Variants in ATP9B observed in about 807,000 individuals in gnomAD.
ATP9B encodes probable phospholipid-transporting ATPase IIB.
Under a neutral mutation model 146.1 loss-of-function variants are expected in ATP9B, and 110 were observed. The ratio of observed to expected loss-of-function variants is 0.75; its 90% confidence interval spans 0.65 to 0.88. ATP9B has a LOEUF of 0.88. Ranked by LOEUF, ATP9B falls within the 40% of genes least tolerant of loss-of-function variation. The pLI, the probability that ATP9B is intolerant of heterozygous loss-of-function variation, is 0.00. For synonymous variants in ATP9B, 604 were observed against 569.7 expected, an observed-to-expected ratio of 1.06 and a Z score of -0.86; for missense variants, 1,499 against 1,496.4, an observed-to-expected ratio of 1.00 and a Z score of -0.03.
At chr18:79,364,223 G>A (rs1358016179) in intron 26 of ATP9B, 3 of 148,566 alleles carry the variant, frequency 2.0e-5, no homozygotes, top group East Asian at 3.9e-4. Flanking sequence ...TCGAGATCGC[G>A]CCACTGCACT....
At chr18:79,168,251 G>C (rs1404480615) in intron 7 of ATP9B, among the ~76,000 whole-genome samples, 1 of 152,222 alleles carries the variant, frequency 6.6e-6, no homozygotes, top group Non-Finnish European at 1.5e-5. Flanking sequence ...CGACTGCAGA[G>C]TCTGAGCAGG....
Position 79,344,367 on chromosome 18 carries a change from CCT to C in ATP9B, c.2472+14_2472+15del, listed in dbSNP as rs1197356777. The C allele has an allele frequency of 1.2e-6, 2 of 1,612,056 alleles. No individual in the cohort carries two copies. Among genetic ancestry groups the C allele is most frequent in the Admixed American group, 3.3e-5 (2 of 59,978 alleles). On this transcript the variant is annotated intron_variant, in intron 21 of 29. Coordinates refer to ENST00000426216, the MANE Select transcript of ATP9B (RefSeq NM_198531.5). ...GGACTCTCTGGAGGTAAGGCTGGACCCTGAGTGAGTACATGTCTGTCTGTGTC... is the reference window on the plus strand; with the variant it reads ...GGACTCTCTGGAGGTAAGGCTGGACCGAGTGAGTACATGTCTGTCTGTGTC...
At position 79,245,750 on chromosome 18, in the gene ATP9B, TGAG is replaced by T. The variant is rs1012310013; in HGVS notation, c.1108-7626_1108-7624del. Among the ~76,000 whole-genome samples the T allele has an allele frequency of 2.8e-5, 4 of 144,852 alleles. No individual in the cohort carries two copies. The East Asian group carries it at 6.3e-4, about 23-fold the overall frequency. ...GTGTGGAGGACACCGCCCTGCTGAC[TGAG>T]GAGGGCACCGCCCTACTGACTGAGG... is the stretch of plus-strand genomic sequence containing the variant. On this transcript the variant is annotated intron_variant, in intron 11 of 29. Transcript: ENST00000426216.
chr18:79,101,868 A>T (rs561214285), intron 2 of ATP9B, among the ~76,000 whole-genome samples: 2 of 151,872 alleles, frequency 1.3e-5, no homozygotes, highest in Admixed American at 1.3e-4. Flanking sequence ...GAATTTGGAG[A>T]GTTCTTTACA....
At chr18:79,248,520 C>A (rs994512875) in intron 11 of ATP9B, among the ~76,000 whole-genome samples, 16 of 152,108 alleles carry the variant, frequency 1.1e-4, no homozygotes, top group African/African-American at 3.1e-4. Context: ...GGTCCAAATT[C>A]GAAATGAAGA....
intron 11 of ATP9B, among the ~76,000 whole-genome samples, chr18:79,229,176 A>C (rs1363484803): frequency 6.6e-6 from 1 of 152,226 alleles, no homozygotes; most frequent in Non-Finnish European, 1.5e-5. Context: ...TTGATAACTC[A>C]CACTAGCATG....
In ATP9B at chr18:79,358,147, A is replaced by G. The variant is rs79113156; in HGVS notation, c.2904-1207A>G. Among the ~76,000 whole-genome samples, 4 of 610 alleles carry G rather than the reference A, an allele frequency of 6.6e-3. 2 individuals carry two copies. Among genetic ancestry groups the G allele is most frequent in the African/African-American group, 0.04 (2 of 50 alleles). The allele number at this position is 610 out of a possible 152,430, so 0.4% of individuals were successfully genotyped here. On this transcript the variant is annotated intron_variant, in intron 25 of 29. Transcript: ENST00000426216. ...TGGAGGTGTCCGTGTGAGGGACCCT[A>G]TGTGAGGGATGCTCTGGGTCTGGAG...
At chr18:79,073,340 T>C (rs1450974610) in intron 1 of ATP9B, among the ~76,000 whole-genome samples, 3 of 152,056 alleles carry the variant, frequency 2.0e-5, no homozygotes, top group African/African-American at 4.8e-5. Context: ...CTGGGCAACA[T>C]TGAGCACTGA....
chr18:79,366,308 G>C lies in ATP9B; in HGVS notation c.3013-6517G>C, dbSNP rs764084940. Among the ~76,000 whole-genome samples, 3 of 152,258 alleles carry C rather than the reference G, an allele frequency of 2.0e-5. No homozygotes were observed. The South Asian group carries it at 6.2e-4, about 31-fold the overall frequency. ...CTGGACGGCACCAGCATGGAGCTAA[G>C]GGAGGAGGAATGCAGACAGCGGCCC... On this transcript the variant is annotated intron_variant, in intron 26 of 29. Coordinates refer to ENST00000426216, the MANE Select transcript of ATP9B (RefSeq NM_198531.5).
intron 15 of ATP9B, 136 bp downstream of exon 15, chr18:79,307,370 G>A (rs1269452472): frequency 1.5e-6 from 2 of 1,321,316 alleles, no homozygotes; most frequent in African/African-American, 2.9e-5. Flanking sequence ...AGCTGTATGT[G>A]GAAAACTGCC....
intron 15 of ATP9B, among the ~76,000 whole-genome samples, chr18:79,313,081 A>G (rs2096661719): frequency 6.6e-6 from 1 of 152,212 alleles, no homozygotes; most frequent in African/African-American, 2.4e-5. Flanking sequence ...AGCTTCCTTT[A>G]GCCATCAGCC....
intron 12 of ATP9B, among the ~76,000 whole-genome samples, chr18:79,267,013 T>G (rs1213867630): frequency 5.3e-5 from 8 of 152,058 alleles, no homozygotes; most frequent in Non-Finnish European, 1.0e-4. Context: ...TATCTAAAAT[T>G]GGAATTGTTT....
chr18:79,124,140 C>T (rs1390527183), intron 4 of ATP9B, among the ~76,000 whole-genome samples: 1 of 149,978 alleles, frequency 6.7e-6, no homozygotes, highest in African/African-American at 2.5e-5. Flanking sequence ...ACCATGTCAC[C>T]CAGAATAGGC....
At chr18:79,292,444 G>T (rs558420810) in intron 13 of ATP9B, among the ~76,000 whole-genome samples, 1 of 152,330 alleles carries the variant, frequency 6.6e-6, no homozygotes, top group South Asian at 2.1e-4. Flanking sequence ...GAAAACAATT[G>T]TATTTACAGT....
chr18:79,075,538 C>A (rs2072500289), intron 1 of ATP9B, among the ~76,000 whole-genome samples: 1 of 152,178 alleles, frequency 6.6e-6, no homozygotes, highest in Non-Finnish European at 1.5e-5. Context: ...GATGCATTGA[C>A]ACTTTTATCA....
At chr18:79,261,561 C>G (rs191391074) in intron 12 of ATP9B, among the ~76,000 whole-genome samples, 2 of 152,104 alleles carry the variant, frequency 1.3e-5, no homozygotes, top group Non-Finnish European at 2.9e-5. Context: ...CCCACCACCC[C>G]CGACCAGTCC....
rs1264039682 is a variant in ATP9B at position 79,174,097 on chromosome 18, T to C, written c.779-2716T>C. ...ATTTTTAAAAATTTAATGTTCAGCA[T>C]TTTTTGCTTTATTTAGGAAGAATAA... On this transcript the variant is annotated intron_variant, in intron 7 of 29. Coordinates refer to ENST00000426216, the MANE Select transcript of ATP9B (RefSeq NM_198531.5). The C allele has an allele frequency of 1.2e-5, 4 of 326,322 alleles. No individual in the cohort carries two copies. The East Asian group carries it at 3.7e-4, about 31-fold the overall frequency. The allele number at this position is 326,322 out of a possible 1,614,324, so 20.2% of individuals were successfully genotyped here. A position where few individuals can be genotyped will look rare whatever the true frequency, so the allele number is the denominator to read the frequency against.
At chr18:79,124,770 G>A (rs561087234) in intron 4 of ATP9B, among the ~76,000 whole-genome samples, 40 of 152,314 alleles carry the variant, frequency 2.6e-4, no homozygotes, top group South Asian at 2.5e-3. Context: ...GCCTGCGTCC[G>A]GCTGGGGTGC....
At chr18:79,372,804 G>A (rs535142189) in intron 26 of ATP9B, 21 bp from the exon 27 acceptor site, 19 of 1,576,106 alleles carry the variant, frequency 1.2e-5, no homozygotes, top group South Asian at 1.0e-4. Flanking sequence ...CACTAACGAC[G>A]CTCTTCCACT....
Sources: gnomAD v4.1 joint callset for allele counts (sites outside exome capture counted in the v4.1 genomes callset) on GRCh38, gnomAD v4.1.1 for gene constraint, MANE v1.5 for transcripts, NCBI Gene and HGNC (gene_info 2026-07-23, HGNC 2026-07-21) for gene names.